ANKRD9: variants seen among roughly 807,000 people sequenced by gnomAD.
ANKRD9 encodes ankyrin repeat domain-containing protein 9.
ANKRD9 carries 13 observed loss-of-function variants against 19.2 expected under a neutral mutation model. The ratio of observed to expected loss-of-function variants is 0.68; its 90% CI spans 0.44 to 1.08. The LOEUF is 1.08. Ranked by LOEUF, ANKRD9 falls within the 50% of genes least tolerant of loss-of-function variation. The pLI, the probability that ANKRD9 is intolerant of heterozygous loss-of-function variation, is 0.00. For synonymous variants in ANKRD9, 278 were observed against 256.8 expected (o/e 1.08, Z -0.79); for missense variants, 518 against 499.9 (o/e 1.04, Z -0.34).
Position 102,507,238 on chromosome 14 carries a change from CG to C in ANKRD9, c.651del (p.Ala218ProfsTer106). 2.4e-6 allele frequency: 3 copies of C among 1,242,058 alleles called. No homozygotes were observed. Among genetic ancestry groups the C allele is most frequent in the Non-Finnish European group, 3.0e-6 (3 of 992,892 alleles). 76.9% of individuals were successfully genotyped at this position (1,242,058 alleles called of 1,614,324 possible). Reference protein sequence around the residue: ...AGATPSAAGAPASAPGEPRQR... With the variant: ...AGATPSAAGAXASAPGEPRQR... ...TGGCGCGGCTCCCCGGGAGCTGAGG[CG>C]GGGGCTCCGGCGGCGGAGGGAGTGG... On this transcript the variant is annotated frameshift_variant, in exon 4 of 4. Transcript: ENST00000286918. LOFTEE classifies it high-confidence loss of function. This position sits in a 1 kb window ranked among gnomAD's most constrained non-coding sequence, Gnocchi z 9.2.
rs1419529956 is a variant in ANKRD9, at chr14:102,507,165, C to T, written c.725G>A (p.Gly242Asp). The change falls in exon 4 of 4, where the codon GGT becomes GAT. Residue 242 changes from glycine to aspartate, a missense_variant. By Grantham distance (94) the Gly-to-Asp change is moderately conservative (BLOSUM62 -1). Coordinates refer to ENST00000286918, the MANE Select transcript of ANKRD9 (RefSeq NM_152326.4). The surrounding 1 kb of genome is among the most constrained non-coding windows in gnomAD (Gnocchi z 9.2). Reference protein sequence around the residue: ...LDLLALYTPVGAAGSARQELL... With the variant: ...LDLLALYTPVDAAGSARQELL... ...CTCCTGGCGGGCCGAGCCGGCGGCA[C>T]CCACGGGGGTGTACAGCGCCAGGAG... 2 of 1,411,072 alleles carry T rather than the reference C, an allele frequency of 1.4e-6. No individual in the cohort carries two copies. The highest frequency in any genetic ancestry group is 1.5e-5 in the South Asian group (1 of 65,990). The allele number at this position is 1,411,072 out of a possible 1,614,324, so 87.4% of individuals were successfully genotyped here.
chr14:102,507,147 C>G lies in ANKRD9; in HGVS notation c.743G>C (p.Arg248Pro), dbSNP rs1415558192. Residue 248 changes from arginine (R) to proline (P), a missense_variant, in exon 4 of 4, where the codon CGC (arginine) becomes CCC (proline). Coordinates refer to ENST00000286918, the MANE Select transcript of ANKRD9 (RefSeq NM_152326.4). This position sits in a 1 kb window ranked among gnomAD's most constrained non-coding sequence, Gnocchi z 9.2. ...CGGCCGGTCGCCCAGCAGCTCCTGG[C>G]GGGCCGAGCCGGCGGCACCCACGGG... ...YTPVGAAGSA[R>P]QELLGDRPRW... 1.4e-6 allele frequency: 2 copies of G among 1,431,234 alleles called. No individual in the cohort carries two copies. Among genetic ancestry groups the G allele is most frequent in the Non-Finnish European group, 1.8e-6 (2 of 1,099,934 alleles). 88.7% of individuals were successfully genotyped at this position (1,431,234 alleles called of 1,614,324 possible).
rs1280260065 is a variant in ANKRD9, at chr14:102,509,647, A to ACCGCCGCCCGCGC, written c.-466_-454dup. The stretch of plus-strand genomic sequence containing the variant: ...CACGACGGACGCACGGGAGGGAGCC[A>ACCGCCGCCCGCGC]CCGCCGCCCGCGCCCGCCGCAGCCG... On this transcript the variant is annotated 5_prime_UTR_variant, in exon 1 of 4. Coordinates refer to ENST00000286918, the MANE Select transcript of ANKRD9 (RefSeq NM_152326.4). 3 of 133,342 alleles carry ACCGCCGCCCGCGC rather than the reference A, an allele frequency of 2.2e-5. No homozygotes were observed. The allele number at this position is 133,342 out of a possible 1,614,324, so 8.3% of individuals were successfully genotyped here. A position where few individuals can be genotyped will look rare whatever the true frequency, so the allele number is the denominator to read the frequency against.
In ANKRD9 at chr14:102,507,055, AGAG is replaced by A. The variant is rs750476757; in HGVS notation, c.832_834del (p.Leu278del). 1,955 of 1,565,640 alleles carry A rather than the reference AGAG, an allele frequency of 1.2e-3. 2 individuals carry two copies. The highest frequency in any genetic ancestry group is 1.5e-3 in the Non-Finnish European group (1,737 of 1,165,094). ...ACCAGCACCTGCATGGCGCGCGCGA[AGAG>A]CGAGGGCGGCGCCAGGCCCGCCAGC... On this transcript the variant is annotated inframe_deletion, in exon 4 of 4. Transcript: ENST00000286918. The surrounding 1 kb of genome is among the most constrained non-coding windows in gnomAD (Gnocchi z 9.2).
chr14:102,507,377 G>A lies in ANKRD9; in HGVS notation c.513C>T (p.Arg171=), dbSNP rs1891636969. 7.5e-7 allele frequency: 1 copy of A among 1,338,128 alleles called. No homozygotes were observed. The highest frequency in any genetic ancestry group is 9.6e-7 in the Non-Finnish European group (1 of 1,043,014). The allele number at this position is 1,338,128 out of a possible 1,614,324, so 82.9% of individuals were successfully genotyped here. ...CCAGCAGCAGGAAGAGGCACTCGGG[G>A]CGCGCCAGCTCACAGGCCACGTGCA... ...TSLHVACELA[R]PECLFLLLGH... The change falls in exon 4 of 4, where the codon CGC becomes CGT. Residue 171 remains arginine (R), a synonymous_variant. Transcript: ENST00000286918. The surrounding 1 kb of genome is among the most constrained non-coding windows in gnomAD (Gnocchi z 9.2).
chr14:102,503,736 G>GGCCT lies in ANKRD9; in HGVS notation c.*3199_*3200insAGGC, dbSNP rs1164197254. ...CAACACCACACACTGCAGAGGGGCA[G>GGCCT]GGCTCCTCCGGCAGTTACTCACTTC... On this transcript the variant is annotated 3_prime_UTR_variant, in exon 4 of 4. Transcript: ENST00000286918. 4 of 152,284 alleles carry GGCCT rather than the reference G, an allele frequency of 2.6e-5. No homozygotes were observed. Among genetic ancestry groups the GGCCT allele is most frequent in the Non-Finnish European group, 4.4e-5 (3 of 68,020 alleles). 9.4% of individuals were successfully genotyped at this position (152,284 alleles called of 1,614,324 possible).
In ANKRD9 at chr14:102,508,143, G is replaced by T. The variant is rs1891675662; in HGVS notation, c.-53-201C>A. Among the ~76,000 whole-genome samples the T allele has an allele frequency of 6.6e-6, 1 of 152,096 alleles. No homozygotes were observed. ...CACCGCCTCCATCCTTGATCTAGCTGTACCTGTTCTCCCTCCTTGAAACTG... is the reference window on the plus strand; with the variant it reads ...CACCGCCTCCATCCTTGATCTAGCTTTACCTGTTCTCCCTCCTTGAAACTG... On this transcript the variant is annotated intron_variant, in intron 3 of 3. Transcript: ENST00000286918. The surrounding 1 kb of genome is among the most constrained non-coding windows in gnomAD (Gnocchi z 6.2).
rs1891591857 is a variant in ANKRD9, at chr14:102,506,484, C to T, written c.*452G>A. On this transcript the variant is annotated 3_prime_UTR_variant, in exon 4 of 4. Coordinates refer to ENST00000286918, the MANE Select transcript of ANKRD9 (RefSeq NM_152326.4). ...GGGCCTGCCAGCCCTGTGTGCCCTC[C>T]CTGGCCCGGAGTCCACAGGGTGCAA... 6.3e-6 allele frequency: 1 copy of T among 157,772 alleles called. No individual in the cohort carries two copies. The highest frequency in any genetic ancestry group is 1.4e-5 in the Non-Finnish European group (1 of 72,004). 9.8% of individuals were successfully genotyped at this position (157,772 alleles called of 1,614,324 possible). A position where few individuals can be genotyped will look rare whatever the true frequency, so the allele number is the denominator to read the frequency against.
rs1193067635 is a variant in ANKRD9 at position 102,502,320 on chromosome 14, G to GA, written c.*4615dup. The GA allele has an allele frequency of 6.6e-6, 1 of 152,642 alleles. No individual in the cohort carries two copies. Among genetic ancestry groups the GA allele is most frequent in the Non-Finnish European group, 1.5e-5 (1 of 68,046 alleles). The allele number at this position is 152,642 out of a possible 1,614,324, so 9.5% of individuals were successfully genotyped here. On this transcript the variant is annotated 3_prime_UTR_variant, in exon 4 of 4. Coordinates refer to ENST00000286918, the MANE Select transcript of ANKRD9 (RefSeq NM_152326.4). ...GTTTGAAATTTTTCATAACTCCGGG[G>GA]AGGAGCAAGAGGGGTGAAAAGAAAC...
chr14:102,507,581 G>A lies in ANKRD9; in HGVS notation c.309C>T (p.Pro103=), dbSNP rs1567373057. The part of the protein sequence containing the change: ...ATFPRRALAP[P]SAGFRCCAAP... ...CCGCGCAGCAGCGGAAGCCGGCACTGGGCGGTGCGAGCGCGCGCCGCGGGA... is the reference window on the plus strand; with the variant it reads ...CCGCGCAGCAGCGGAAGCCGGCACTAGGCGGTGCGAGCGCGCGCCGCGGGA... The change falls in exon 4 of 4, where the codon CCC becomes CCT. Residue 103 remains proline, a synonymous_variant. Coordinates refer to ENST00000286918, the MANE Select transcript of ANKRD9 (RefSeq NM_152326.4). The surrounding 1 kb of genome is among the most constrained non-coding windows in gnomAD (Gnocchi z 9.2). 1.4e-6 allele frequency: 2 copies of A among 1,411,284 alleles called. No homozygotes were observed. The highest frequency in any genetic ancestry group is 1.5e-5 in the African/African-American group (1 of 67,018). 87.4% of individuals were successfully genotyped at this position (1,411,284 alleles called of 1,614,324 possible).
chr14:102,506,237 C>G lies in ANKRD9; in HGVS notation c.*699G>C, dbSNP rs1891584929. 6.6e-6 allele frequency: 1 copy of G among 152,400 alleles called. No individual in the cohort carries two copies. The highest frequency in any genetic ancestry group is 2.4e-5 in the African/African-American group (1 of 41,574). 9.4% of individuals were successfully genotyped at this position (152,400 alleles called of 1,614,324 possible). A position where few individuals can be genotyped will look rare whatever the true frequency, so the allele number is the denominator to read the frequency against. On this transcript the variant is annotated 3_prime_UTR_variant, in exon 4 of 4. Coordinates refer to ENST00000286918, the MANE Select transcript of ANKRD9 (RefSeq NM_152326.4). ...ATCCAACCCCACTGACCGGCATGCA[C>G]CTGGGGCCAGGGGCCTGCTGCCACT...
At position 102,508,882 on chromosome 14, in the gene ANKRD9, C is replaced by T. The variant is rs1021717299; in HGVS notation, c.-334-36G>A. 2 of 152,258 alleles carry T rather than the reference C, an allele frequency of 1.3e-5. No homozygotes were observed. The highest frequency in any genetic ancestry group is 6.5e-5 in the Admixed American group (1 of 15,272). 9.4% of individuals were successfully genotyped at this position (152,258 alleles called of 1,614,324 possible). ...GGTCCCCTGCGTCTCAGTTTGGGCT[C>T]ATTCCAGAATTGGTGGGGACCCCCA... On this transcript the variant is annotated intron_variant, in intron 1 of 3. Transcript: ENST00000286918. This position sits in a 1 kb window ranked among gnomAD's most constrained non-coding sequence, Gnocchi z 6.2.
In ANKRD9 at chr14:102,507,336, G is replaced by A; in HGVS notation, c.554C>T (p.Pro185Leu). 7.6e-7 allele frequency: 1 copy of A among 1,312,680 alleles called. No individual in the cohort carries two copies. The allele number at this position is 1,312,680 out of a possible 1,614,324, so 81.3% of individuals were successfully genotyped here. A position where few individuals can be genotyped will look rare whatever the true frequency, so the allele number is the denominator to read the frequency against. Residue 185 changes from proline to leucine, a missense_variant, in exon 4 of 4, where the codon CCC (proline) becomes CTC (leucine). Coordinates refer to ENST00000286918, the MANE Select transcript of ANKRD9 (RefSeq NM_152326.4). The surrounding 1 kb of genome is among the most constrained non-coding windows in gnomAD (Gnocchi z 9.2). The part of the protein sequence containing the change: ...LFLLLGHGAS[P>L]GLRDGGGLTP... ...GAGGCCGCCGCCGTCCCGCAGACCG[G>A]GCGAGGCGCCGTGGCCCAGCAGCAG...
In ANKRD9 at chr14:102,508,072, G is replaced by A; in HGVS notation, c.-53-130C>T. The A allele has an allele frequency of 2.0e-6, 1 of 506,334 alleles. No homozygotes were observed. The highest frequency in any genetic ancestry group is 9.5e-5 in the East Asian group (1 of 10,580). 31.4% of individuals were successfully genotyped at this position (506,334 alleles called of 1,614,324 possible). A position where few individuals can be genotyped will look rare whatever the true frequency, so the allele number is the denominator to read the frequency against. On this transcript the variant is annotated intron_variant, in intron 3 of 3. Transcript: ENST00000286918. The surrounding 1 kb of genome is among the most constrained non-coding windows in gnomAD (Gnocchi z 6.2). Reference sequence around the variant, plus strand: ...CTGTACCTACCTCCAGCCTCGGCCAGGCCCTTCCAGTCACCCTACAGCTCC... The same window carrying A: ...CTGTACCTACCTCCAGCCTCGGCCAAGCCCTTCCAGTCACCCTACAGCTCC...
In ANKRD9 at chr14:102,506,968, G is replaced by T; in HGVS notation, c.922C>A (p.Leu308Met). ...TTGCCAGTGAGGTCCAACGGCTGCA[G>T]GAATGGGGGCAGCGGCAGCTCGTCC... The part of the protein sequence containing the change: ...ALDELPLPPF[L>M]QPLDLTGKG The change falls in exon 4 of 4, where the codon CTG becomes ATG. Residue 308 changes from leucine to methionine, a missense_variant. Transcript: ENST00000286918. 1 of 1,561,222 alleles carries T rather than the reference G, an allele frequency of 6.4e-7. No homozygotes were observed. The highest frequency in any genetic ancestry group is 8.7e-7 in the Non-Finnish European group (1 of 1,153,414).
rs901200572 is a variant in ANKRD9 at position 102,502,780 on chromosome 14, G to C, written c.*4156C>G. On this transcript the variant is annotated 3_prime_UTR_variant, in exon 4 of 4. Coordinates refer to ENST00000286918, the MANE Select transcript of ANKRD9 (RefSeq NM_152326.4). ...ACTCAGTCAGCGCCTTTACTTGTAC[G>C]TGAGCGCTTAGGGGCCCTGTCTCTG... is the stretch of plus-strand genomic sequence containing the variant. 6.6e-6 allele frequency: 1 copy of C among 152,198 alleles called. No individual in the cohort carries two copies. Among genetic ancestry groups the C allele is most frequent in the Admixed American group, 6.5e-5 (1 of 15,284 alleles). The allele number at this position is 152,198 out of a possible 1,614,324, so 9.4% of individuals were successfully genotyped here. A position where few individuals can be genotyped will look rare whatever the true frequency, so the allele number is the denominator to read the frequency against.
rs117850184 is a variant in ANKRD9 at position 102,505,381 on chromosome 14, C to T, written c.*1555G>A. On this transcript the variant is annotated 3_prime_UTR_variant, in exon 4 of 4. Transcript: ENST00000286918. Reference sequence around the variant, plus strand: ...GGAAAGATGTTAATATCCACTGCCCCAAGTGCCAAGGTTCAGAGGCACTGG... The same window carrying T: ...GGAAAGATGTTAATATCCACTGCCCTAAGTGCCAAGGTTCAGAGGCACTGG... The T allele has an allele frequency of 1.3e-3, 193 of 152,372 alleles. No individual in the cohort carries two copies. Among genetic ancestry groups the T allele is most frequent in the Middle Eastern group, 3.4e-3 (1 of 294 alleles). 9.4% of individuals were successfully genotyped at this position (152,372 alleles called of 1,614,324 possible).
Position 102,507,153 on chromosome 14 carries a change from G to A in ANKRD9, c.737C>T (p.Ser246Leu), listed in dbSNP as rs1891621539. ...ALYTPVGAAG[S>L]ARQELLGDRP... ...GTCGCCCAGCAGCTCCTGGCGGGCC[G>A]AGCCGGCGGCACCCACGGGGGTGTA... The change falls in exon 4 of 4, where the codon TCG (serine) becomes TTG (leucine). Residue 246 changes from serine (S) to leucine (L), a missense_variant. By Grantham distance (145) the Ser-to-Leu change is moderately radical. Transcript: ENST00000286918. The surrounding 1 kb of genome is among the most constrained non-coding windows in gnomAD (Gnocchi z 9.2). 4.9e-6 allele frequency: 7 copies of A among 1,426,822 alleles called. No homozygotes were observed. Among genetic ancestry groups the A allele is most frequent in the Non-Finnish European group, 6.4e-6 (7 of 1,097,860 alleles). 88.4% of individuals were successfully genotyped at this position (1,426,822 alleles called of 1,614,324 possible). A position where few individuals can be genotyped will look rare whatever the true frequency, so the allele number is the denominator to read the frequency against.
In ANKRD9 at chr14:102,507,488, G is replaced by T. The variant is rs1317403412; in HGVS notation, c.402C>A (p.Arg134=). ...NRVGILRRIL[R]TLRDFPAEER... Reference sequence around the variant, plus strand: ...CCTCGGCCGGGAAGTCGCGCAAGGTGCGCAGGATGCGGCGCAGAATGCCCA... The same window carrying T: ...CCTCGGCCGGGAAGTCGCGCAAGGTTCGCAGGATGCGGCGCAGAATGCCCA... The change falls in exon 4 of 4, where the codon CGC becomes CGA. Residue 134 remains arginine, a synonymous_variant. Coordinates refer to ENST00000286918, the MANE Select transcript of ANKRD9 (RefSeq NM_152326.4). This position sits in a 1 kb window ranked among gnomAD's most constrained non-coding sequence, Gnocchi z 9.2. 4.3e-6 allele frequency: 6 copies of T among 1,390,928 alleles called. No homozygotes were observed. The East Asian group carries it at 1.7e-4, about 40-fold the overall frequency. The allele number at this position is 1,390,928 out of a possible 1,614,324, so 86.2% of individuals were successfully genotyped here.
Sources: allele counts gnomAD v4.1 joint callset (sites outside exome capture counted in the v4.1 genomes callset), GRCh38; gene constraint gnomAD v4.1.1; non-coding constraint Gnocchi (gnomAD v3.1); transcripts MANE v1.5; gene names NCBI Gene and HGNC (gene_info 2026-07-23, HGNC 2026-07-21).